The following TESK2 variants were observed in gnomAD, a reference collection of about 807,000 sequenced individuals.
TESK2 encodes the protein dual specificity testis-specific protein kinase 2.
Under a neutral mutation model 57.1 loss-of-function variants are expected in TESK2, and 39 were observed. The ratio of observed to expected loss-of-function variants is 0.68; its 90% CI spans 0.53 to 0.89. TESK2 has a LOEUF of 0.89. Among genes scored for constraint, TESK2 ranks in the 40% least tolerant of loss-of-function variants. TESK2 has a pLI of 0.00. For missense variants in TESK2, 646 were observed against 732.1 expected, an observed-to-expected ratio of 0.88 and a Z score of 1.36; for synonymous variants, 249 against 267.9, an observed-to-expected ratio of 0.93 and a Z score of 0.69.
intron 3 of TESK2, among the ~76,000 whole-genome samples, chr1:45,399,385 G>C (rs1476865841): frequency 6.6e-6 from 1 of 152,066 alleles, no homozygotes; most frequent in African/African-American, 2.4e-5. Flanking sequence ...CATGATCTCA[G>C]CTCACTGCAA....
chr1:45,417,974 T>A (rs976401362), intron 3 of TESK2, among the ~76,000 whole-genome samples: 13 of 152,322 alleles, frequency 8.5e-5, no homozygotes, highest in Middle Eastern at 6.8e-3. Flanking sequence ...GATTTTGCTG[T>A]AATGGAATAA....
intron 1 of TESK2, among the ~76,000 whole-genome samples, chr1:45,489,086 G>A (rs1285141355): frequency 1.3e-5 from 2 of 150,070 alleles, no homozygotes. Context: ...ATCCGAGACT[G>A]CACCACTGCA....
chr1:45,480,704 TA>T, intron 1 of TESK2, among the ~76,000 whole-genome samples: 1 of 150,846 alleles, frequency 6.6e-6, no homozygotes, highest in Admixed American at 6.6e-5. Context: ...AAATAATATA[TA>T]TATAGGCCAC....
intron 2 of TESK2, among the ~76,000 whole-genome samples, chr1:45,456,816 A>G (rs2149299715): frequency 6.6e-6 from 1 of 152,330 alleles, no homozygotes; most frequent in African/African-American, 2.4e-5. Flanking sequence ...ATTTGTAGTA[A>G]TGGAAGTCTG....
intron 5 of TESK2, among the ~76,000 whole-genome samples, chr1:45,352,697 T>C (rs1013368984): frequency 6.6e-6 from 1 of 152,208 alleles, no homozygotes; most frequent in African/African-American, 2.4e-5. Flanking sequence ...TTTTCTAATA[T>C]TCCTTCATCC....
chr1:45,391,813 T>A (rs1649157706), intron 3 of TESK2, among the ~76,000 whole-genome samples: 1 of 152,214 alleles, frequency 6.6e-6, no homozygotes, highest in East Asian at 1.9e-4. Context: ...TTTGAATGAC[T>A]GCTAATTAGC....
intron 4 of TESK2, among the ~76,000 whole-genome samples, chr1:45,358,555 G>C (rs1647541223): frequency 6.6e-6 from 1 of 151,926 alleles, no homozygotes; most frequent in Non-Finnish European, 1.5e-5. Flanking sequence ...ATTGTTTCAG[G>C]CACTGTTCTG....
chr1:45,439,555 T>C (rs1045454123), intron 2 of TESK2, among the ~76,000 whole-genome samples: 8 of 152,176 alleles, frequency 5.3e-5, no homozygotes, highest in Non-Finnish European at 8.8e-5. Context: ...GTTCATTATA[T>C]TTTCTCAACA....
At chr1:45,388,938 T>C (rs1200230425) in intron 3 of TESK2, among the ~76,000 whole-genome samples, 2 of 152,116 alleles carry the variant, frequency 1.3e-5, no homozygotes, top group Non-Finnish European at 2.9e-5. Flanking sequence ...GCTGAGATGG[T>C]CTCGATCTCC....
chr1:45,421,911 TC>T (rs934096749), intron 2 of TESK2, 65 bp from the exon 3 acceptor site: 3 of 1,556,402 alleles, frequency 1.9e-6, no homozygotes, highest in Non-Finnish European at 1.8e-6. Flanking sequence ...GGTCAACATC[TC>T]CAAATGTACA....
At chr1:45,452,424 A>G (rs1651906886) in intron 2 of TESK2, among the ~76,000 whole-genome samples, 1 of 152,248 alleles carries the variant, frequency 6.6e-6, no homozygotes, top group African/African-American at 2.4e-5. Context: ...CTACAAAAAA[A>G]ATCAACACAA....
At chr1:45,367,775 A>G (rs1291580986) in intron 4 of TESK2, among the ~76,000 whole-genome samples, 1 of 147,352 alleles carries the variant, frequency 6.8e-6, no homozygotes, top group East Asian at 2.0e-4. Flanking sequence ...CTCCTGCCTC[A>G]GCCTCCCGAG....
At chr1:45,385,294 C>G in intron 4 of TESK2, 3 of 983,632 alleles carry the variant, frequency 3.0e-6, no homozygotes, top group Non-Finnish European at 3.6e-6. Flanking sequence ...AACTTGGTAC[C>G]TGAATTGGCT....
At chr1:45,488,924 G>GAT (rs1653598716) in intron 1 of TESK2, among the ~76,000 whole-genome samples, 2 of 152,176 alleles carry the variant, frequency 1.3e-5, no homozygotes, top group Non-Finnish European at 2.9e-5. Context: ...CTCTTTGGGA[G>GAT]GCCGGGGAAG....
intron 3 of TESK2, among the ~76,000 whole-genome samples, chr1:45,395,008 C>T (rs529925268): frequency 2.0e-5 from 3 of 152,146 alleles, no homozygotes; most frequent in Admixed American, 6.6e-5. Context: ...AAACTCTTAA[C>T]TCTGATACTA....
At chr1:45,394,708 T>TA (rs1553149042) in intron 3 of TESK2, among the ~76,000 whole-genome samples, 4 of 142,408 alleles carry the variant, frequency 2.8e-5, no homozygotes, top group Non-Finnish European at 6.1e-5. Context: ...TTTTTTTTTT[T>TA]AAAGACAGAG....
chr1:45,412,248 G>A (rs2149283860), intron 3 of TESK2, among the ~76,000 whole-genome samples: 1 of 152,340 alleles, frequency 6.6e-6, no homozygotes, highest in African/African-American at 2.4e-5. Flanking sequence ...CAAAGAGACA[G>A]GGAAAATAAT....
At chr1:45,401,072 TA>T (rs1649577456) in intron 3 of TESK2, among the ~76,000 whole-genome samples, 1 of 147,344 alleles carries the variant, frequency 6.8e-6, no homozygotes, top group Non-Finnish European at 1.5e-5. Flanking sequence ...TGACATAGTC[TA>T]AAACATATCC....
At chr1:45,365,447 T>C (rs1647872378) in intron 4 of TESK2, among the ~76,000 whole-genome samples, 1 of 152,216 alleles carries the variant, frequency 6.6e-6, no homozygotes, top group African/African-American at 2.4e-5. Flanking sequence ...CATATATGCT[T>C]GCTGAATACC....
Sources: allele counts gnomAD v4.1 joint callset (sites outside exome capture counted in the v4.1 genomes callset), GRCh38; gene constraint gnomAD v4.1.1; transcripts MANE v1.5; gene names NCBI Gene and HGNC (gene_info 2026-07-23, HGNC 2026-07-21).